Variants in RGPD8 observed in about 807,000 individuals in gnomAD.
The protein encoded by RGPD8 is RANBP2 like and GRIP domain containing 8.
RGPD8 carries 15 observed loss-of-function variants against 89.1 expected under a neutral mutation model. The observed-to-expected ratio is 0.17, with a 90% CI of 0.11 to 0.26. RGPD8 has a LOEUF of 0.26. Among genes scored for constraint, RGPD8 ranks in the 10% least tolerant of loss-of-function variants. The pLI, the probability that RGPD8 is intolerant of heterozygous loss-of-function variation, is 1.00. For missense variants in RGPD8, 178 were observed against 1,179.6 expected (o/e 0.15, Z 12.44); for synonymous variants, 62 against 420.9 (o/e 0.15, Z 10.44).
At chr2:112,426,183 T>G (rs1162191157) in intron 1 of RGPD8, among the ~76,000 whole-genome samples, 1 of 152,188 alleles carries the variant, frequency 6.6e-6, no homozygotes, top group African/African-American at 2.4e-5. Flanking sequence ...CTCTCTGGCA[T>G]ATGTGAACTG....
intron 7 of RGPD8, among the ~76,000 whole-genome samples, chr2:112,408,618 G>A (rs1413716420): frequency 1.2e-3 from 180 of 149,414 alleles, no homozygotes; most frequent in Non-Finnish European, 2.2e-3. Context: ...TTGAATCTGT[G>A]ACCAGTTAAT....
At chr2:112,433,133 G>C (rs1406322395) in intron 1 of RGPD8, among the ~76,000 whole-genome samples, 5 of 101,168 alleles carry the variant, frequency 4.9e-5, no homozygotes, top group African/African-American at 1.0e-4. Context: ...CGAGGCCGCC[G>C]CCGGGCCGGG....
Position 112,424,109 on chromosome 2 carries a change from G to C in RGPD8, c.140+131C>G, listed in dbSNP as rs1161085342. On this transcript the variant is annotated intron_variant, in intron 2 of 22. Coordinates refer to ENST00000302558, the MANE Select transcript of RGPD8 (RefSeq NM_001164463.1). Reference sequence around the variant, plus strand: ...AGGCTGGTCCTTAGCATCAGTCTGAGTGATAAATCCCTTATTCCAGAATAC... The same window carrying C: ...AGGCTGGTCCTTAGCATCAGTCTGACTGATAAATCCCTTATTCCAGAATAC... 4 of 1,196,816 alleles carry C rather than the reference G, an allele frequency of 3.3e-6. No homozygotes were observed. The East Asian group carries it at 1.0e-4, about 31-fold the overall frequency. The allele number at this position is 1,196,816 out of a possible 1,614,324, so 74.1% of individuals were successfully genotyped here.
intron 22 of RGPD8, among the ~76,000 whole-genome samples, chr2:112,376,678 A>G (rs1357167150): frequency 1.4e-3 from 213 of 150,428 alleles, no homozygotes; most frequent in Middle Eastern, 3.4e-3. Flanking sequence ...GCTGGCGTGC[A>G]TCTGTAGTCC....
At chr2:112,410,277 G>C (rs562791468) in intron 7 of RGPD8, among the ~76,000 whole-genome samples, 1 of 145,340 alleles carries the variant, frequency 6.9e-6, no homozygotes, top group Non-Finnish European at 1.5e-5. Flanking sequence ...GACAGAGTGA[G>C]ACTCCATCTC....
chr2:112,425,756 CAA>C (rs942303412), intron 1 of RGPD8, among the ~76,000 whole-genome samples: 1,048 of 100,342 alleles, frequency 0.01, 15 homozygotes, highest in African/African-American at 0.035. Flanking sequence ...GATTCCATCT[CAA>C]AAAAAAAAAA....
In RGPD8 at chr2:112,433,383, T is replaced by A. The variant is rs1680149837; in HGVS notation, c.71A>T (p.Gln24Leu). Residue 24 changes from glutamine (Q) to leucine (L), a missense_variant and splice_region_variant, in exon 1 of 23, where the codon CAG becomes CTG. Gln to Leu is a moderately radical substitution (Grantham distance 113). Coordinates refer to ENST00000302558, the MANE Select transcript of RGPD8 (RefSeq NM_001164463.1). ...SVLGLTPSPR[Q>L]KSMKGFYFAK... ...CCGCTCTCTTCCAGACCCACTCACC[T>A]GTCGAGGCGACGGGGTGAGACCCAG... 1 of 1,609,618 alleles carries A rather than the reference T, an allele frequency of 6.2e-7. No individual in the cohort carries two copies. Among genetic ancestry groups the A allele is most frequent in the Non-Finnish European group, 8.5e-7 (1 of 1,178,788 alleles).
intron 4 of RGPD8, among the ~76,000 whole-genome samples, chr2:112,419,486 T>G (rs1300221307): frequency 2.3e-4 from 33 of 143,562 alleles, no homozygotes; most frequent in Admixed American, 1.7e-3. Context: ...AGTAATACTC[T>G]CATTCATTAA....
chr2:112,431,667 C>T lies in RGPD8; in HGVS notation c.72+1715G>A, dbSNP rs535435646. ...TTTTTTTTTTTTTTTTCTGGAGTCT[C>T]CCTCTGTCGCCCAGGCTGGAGTGCA... On this transcript the variant is annotated intron_variant, in intron 1 of 22. Transcript: ENST00000302558. Among the ~76,000 whole-genome samples, 210 of 148,598 alleles carry T rather than the reference C, an allele frequency of 1.4e-3. 2 individuals are homozygous for T. Among genetic ancestry groups the T allele is most frequent in the African/African-American group, 5.0e-3 (203 of 40,286 alleles).
At chr2:112,429,763 G>A (rs1456930865) in intron 1 of RGPD8, among the ~76,000 whole-genome samples, 1 of 152,136 alleles carries the variant, frequency 6.6e-6, no homozygotes, top group Admixed American at 6.5e-5. Flanking sequence ...AAACTAAACA[G>A]AAGCCATCGG....
Position 112,433,480 on chromosome 2 carries a change from G to T in RGPD8, c.-27C>A, listed in dbSNP as rs1261670102. 5.0e-6 allele frequency: 8 copies of T among 1,600,198 alleles called. No individual in the cohort carries two copies. The East Asian group carries it at 1.8e-4, about 36-fold the overall frequency. Reference sequence around the variant, plus strand: ...GCGCCGCCAACCTGGCTCCCGAGACGCGTGCGAGCACCGCTCAGCCCCGCA... The same window carrying T: ...GCGCCGCCAACCTGGCTCCCGAGACTCGTGCGAGCACCGCTCAGCCCCGCA... On this transcript the variant is annotated 5_prime_UTR_variant, in exon 1 of 23. Transcript: ENST00000302558.
intron 8 of RGPD8, among the ~76,000 whole-genome samples, chr2:112,404,712 A>AC (rs1678964668): frequency 1.0e-5 from 1 of 95,816 alleles, no homozygotes; most frequent in Non-Finnish European, 2.2e-5. Flanking sequence ...AAAAAAAAAA[A>AC]AAAAATTAGC....
At chr2:112,413,117 TTG>T (rs1450938447) in intron 6 of RGPD8, among the ~76,000 whole-genome samples, 3 of 139,546 alleles carry the variant, frequency 2.1e-5, no homozygotes, top group African/African-American at 5.9e-5. Flanking sequence ...GTTAAATAAA[TTG>T]TCTTTTTTTT....
In RGPD8 at chr2:112,433,501, C is replaced by A; in HGVS notation, c.-48G>T. ...AGACGCGTGCGAGCACCGCTCAGCC[C>A]CGCAGCAGTCGCCACTTCCAAGAGG... On this transcript the variant is annotated 5_prime_UTR_variant, in exon 1 of 23. Transcript: ENST00000302558. 1 of 1,570,516 alleles carries A rather than the reference C, an allele frequency of 6.4e-7. No individual in the cohort carries two copies. Among genetic ancestry groups the A allele is most frequent in the Non-Finnish European group, 8.7e-7 (1 of 1,154,644 alleles).
chr2:112,408,940 A>G (rs1679057882), intron 7 of RGPD8, among the ~76,000 whole-genome samples: 4 of 150,954 alleles, frequency 2.6e-5, no homozygotes, highest in Middle Eastern at 3.4e-3. Flanking sequence ...CCAAAGTGCT[A>G]AGATTATAGG....
intron 4 of RGPD8, among the ~76,000 whole-genome samples, chr2:112,419,450 T>C (rs1250391170): frequency 8.0e-6 from 1 of 124,238 alleles, no homozygotes; most frequent in Non-Finnish European, 1.7e-5. Context: ...TTCTATCTCA[T>C]ACTTGAGAGA....
intron 1 of RGPD8, among the ~76,000 whole-genome samples, chr2:112,431,883 G>A (rs1425750198): frequency 2.0e-5 from 3 of 152,154 alleles, no homozygotes; most frequent in African/African-American, 7.2e-5. Flanking sequence ...CAGGCAATCC[G>A]CCCTCCTCGG....
intron 8 of RGPD8, among the ~76,000 whole-genome samples, chr2:112,404,867 G>GAAA (rs1227179322): frequency 3.9e-5 from 3 of 77,782 alleles, no homozygotes; most frequent in Admixed American, 3.0e-4. Context: ...ACTGTCTCAG[G>GAAA]AAAAAAAAAA....
At chr2:112,415,380 C>T (rs1679354303) in intron 6 of RGPD8, among the ~76,000 whole-genome samples, 1 of 151,606 alleles carries the variant, frequency 6.6e-6, no homozygotes, top group African/African-American at 2.4e-5. Context: ...CCATCTGTCA[C>T]CCACAGCCCT....
Sources: gnomAD v4.1 joint callset for allele counts (sites outside exome capture counted in the v4.1 genomes callset) on GRCh38, gnomAD v4.1.1 for gene constraint, MANE v1.5 for transcripts, NCBI Gene and HGNC (gene_info 2026-07-23, HGNC 2026-07-21) for gene names.